Variants in RFK observed in about 807,000 individuals in gnomAD.
RFK encodes the protein riboflavin kinase.
In RFK, 4 loss-of-function variants were observed where a neutral mutation model predicts 17.6. The ratio of observed to expected loss-of-function variants is 0.23; its 90% CI spans 0.11 to 0.52. RFK has a LOEUF of 0.52. RFK is among the 20% of genes least tolerant of loss of function. The pLI, the probability that RFK is intolerant of heterozygous loss-of-function variation, is 0.96. For missense variants in RFK, 189 were observed against 187.7 expected (o/e 1.01, Z -0.04); for synonymous variants, 59 against 63.8 (o/e 0.92, Z 0.36).
intron 1 of RFK, chr9:76,393,700 A>T (rs1345542103): frequency 8.3e-6 from 2 of 240,440 alleles, no homozygotes; most frequent in Non-Finnish European, 1.6e-5. Context: ...ATTACAAATT[A>T]AAAACAAAAC....
At position 76,388,653 on chromosome 9, in the gene RFK, T is replaced by C. The variant is rs968551670; in HGVS notation, c.238A>G (p.Thr80Ala). Residue 80 changes from threonine (T) to alanine (A), a missense_variant, in exon 3 of 4, where the codon ACA becomes GCA. Transcript: ENST00000376736. ...YYKNTKKSME[T>A]HIMHTFKEDF... ...TCTTTGAAGGTATGCATGATATGTG[T>C]TTCCTATAGTCAAGAAATGTTACAA... The C allele has an allele frequency of 6.3e-7, 1 of 1,584,716 alleles. No homozygotes were observed. Among genetic ancestry groups the C allele is most frequent in the Non-Finnish European group, 8.7e-7 (1 of 1,153,826 alleles).
At position 76,394,207 on chromosome 9, in the gene RFK, T is replaced by G; in HGVS notation, c.-36A>C. ...GCTCGGGGAATGGGCTGCGGCCCGG[T>G]CTGCGCGTCCTGCGGAGCCGCCGTC... On this transcript the variant is annotated 5_prime_UTR_variant, in exon 1 of 4. Coordinates refer to ENST00000376736, the MANE Select transcript of RFK (RefSeq NM_018339.6). The G allele has an allele frequency of 6.4e-7, 1 of 1,554,632 alleles. No homozygotes were observed. The highest frequency in any genetic ancestry group is 8.7e-7 in the Non-Finnish European group (1 of 1,151,216).
At chr9:76,388,333 T>C (rs1392708898) in intron 3 of RFK, 3 of 632,838 alleles carry the variant, frequency 4.7e-6, no homozygotes, top group East Asian at 6.2e-5. Flanking sequence ...ACTTTGAGAA[T>C]GTTACTTAAT....
At chr9:76,393,952 G>A (rs2131556046) in intron 1 of RFK, 138 bp downstream of exon 1, 1 of 748,020 alleles carries the variant, frequency 1.3e-6, no homozygotes, top group Non-Finnish European at 2.1e-6. Context: ...CCACAGACAA[G>A]GGGATGCGGG....
Position 76,388,551 on chromosome 9 carries a change from T to C in RFK, c.337+3A>G, listed in dbSNP as rs373802237. ...ATTTAAGAAGATCAAAATAAGAACT[T>C]ACCTAAAGAATCAAAGTTCTTTTCT... On this transcript the variant is annotated splice_donor_region_variant and intron_variant, in intron 3 of 3. Coordinates refer to ENST00000376736, the MANE Select transcript of RFK (RefSeq NM_018339.6). 5.7e-5 allele frequency: 90 copies of C among 1,574,480 alleles called. 1 individual carries two copies. Among genetic ancestry groups the C allele is most frequent in the South Asian group, 4.9e-4 (44 of 89,820 alleles).
At position 76,385,956 on chromosome 9, in the gene RFK, C is replaced by T. The variant is rs1257948893; in HGVS notation, c.*1443G>A. ...ATTTATATGAGTCCCTCTTCTCCAACAGCTTTAGATGTTTTTCTGAGTACT... is the reference window on the plus strand; with the variant it reads ...ATTTATATGAGTCCCTCTTCTCCAATAGCTTTAGATGTTTTTCTGAGTACT... On this transcript the variant is annotated 3_prime_UTR_variant, in exon 4 of 4. Transcript: ENST00000376736. The T allele has an allele frequency of 6.6e-6, 1 of 152,202 alleles. No individual in the cohort carries two copies. Among genetic ancestry groups the T allele is most frequent in the Non-Finnish European group, 1.5e-5 (1 of 68,032 alleles). The allele number at this position is 152,202 out of a possible 1,614,324, so 9.4% of individuals were successfully genotyped here.
intron 1 of RFK, 60 bp from the exon 2 acceptor site, chr9:76,392,629 G>C: frequency 6.6e-7 from 1 of 1,512,896 alleles, no homozygotes; most frequent in Non-Finnish European, 9.1e-7. Flanking sequence ...GCCTGTAGCC[G>C]AGTGCAGTGG....
In RFK at chr9:76,387,520, A is replaced by G. The variant is rs1324145446; in HGVS notation, c.347T>C (p.Ile116Thr). The change falls in exon 4 of 4, where the codon ATT becomes ACT. Residue 116 changes from isoleucine to threonine, a missense_variant. Ile to Thr is a moderately conservative substitution (Grantham distance 89). This residue lies in a region of RFK where 95 missense variants were observed against 95.7 expected (regional missense o/e 0.99). Coordinates refer to ENST00000376736, the MANE Select transcript of RFK (RefSeq NM_018339.6). ...EKNFDSLESL[I>T]SAIQGDIEEA... ...TTCAATATCACCTTGAATTGCTGAA[A>G]TAAGTGACTCTGCAGAGAGAATATA... The G allele has an allele frequency of 1.9e-6, 3 of 1,610,364 alleles. No homozygotes were observed. The highest frequency in any genetic ancestry group is 2.5e-6 in the Non-Finnish European group (3 of 1,179,394).
chr9:76,393,660 C>CT (rs1322580869), intron 1 of RFK: 1 of 176,876 alleles, frequency 5.7e-6, no homozygotes, highest in African/African-American at 2.4e-5. Context: ...TCTCATTCAA[C>CT]TACCTATGTT....
chr9:76,385,881 GT>G lies in RFK; in HGVS notation c.*1517del, dbSNP rs1186864206. 6.6e-6 allele frequency: 1 copy of G among 152,116 alleles called. No individual in the cohort carries two copies. The highest frequency in any genetic ancestry group is 1.5e-5 in the Non-Finnish European group (1 of 68,004). 9.4% of individuals were successfully genotyped at this position (152,116 alleles called of 1,614,324 possible). Reference sequence around the variant, plus strand: ...TATAAGATTTCTAAAATTAAAAACTGTTTTTGACATATTTTTATAAAGAAAT... The same window carrying G: ...TATAAGATTTCTAAAATTAAAAACTGTTTTGACATATTTTTATAAAGAAAT... On this transcript the variant is annotated 3_prime_UTR_variant, in exon 4 of 4. Transcript: ENST00000376736.
chr9:76,392,177 A>T (rs1052786733), intron 2 of RFK, among the ~76,000 whole-genome samples: 39 of 152,368 alleles, frequency 2.6e-4, no homozygotes, highest in Non-Finnish European at 5.0e-4. Flanking sequence ...AATGAGGGAC[A>T]TAAAAGTTAT....
At chr9:76,391,958 A>G (rs1319739296) in intron 2 of RFK, among the ~76,000 whole-genome samples, 1 of 151,866 alleles carries the variant, frequency 6.6e-6, no homozygotes, top group African/African-American at 2.4e-5. Context: ...AAAAGATGCA[A>G]TTTCTGAGTT....
At chr9:76,392,309 G>T in intron 2 of RFK, 109 bp downstream of exon 2, 1 of 1,116,030 alleles carries the variant, frequency 9.0e-7, no homozygotes, top group South Asian at 1.8e-5. Flanking sequence ...TCCAGTATTT[G>T]AACTACGTTG....
At position 76,392,572 on chromosome 9, in the gene RFK, A is replaced by G. The variant is rs767409260; in HGVS notation, c.83-3T>C. On this transcript the variant is annotated splice_polypyrimidine_tract_variant and splice_region_variant and intron_variant, in intron 1 of 3. Coordinates refer to ENST00000376736, the MANE Select transcript of RFK (RefSeq NM_018339.6). ...TACCACTTGCTCAGGAAAATTAGCT[A>G]AACAACAGAAGAAAATATTTTGAGT... 3.7e-6 allele frequency: 6 copies of G among 1,614,016 alleles called. No individual in the cohort carries two copies. The highest frequency in any genetic ancestry group is 2.2e-5 in the East Asian group (1 of 44,890).
At chr9:76,388,018 G>A (rs1822762178) in intron 3 of RFK, 1 of 290,010 alleles carries the variant, frequency 3.4e-6, no homozygotes, top group South Asian at 2.9e-5. Flanking sequence ...ACAAACAAAG[G>A]TATGTCCCTA....
intron 1 of RFK, 104 bp downstream of exon 1, chr9:76,393,986 C>T: frequency 9.3e-7 from 1 of 1,075,558 alleles, no homozygotes; most frequent in Non-Finnish European, 1.3e-6. Flanking sequence ...TGCTCTCTGC[C>T]CGCGGTCCGG....
rs1822735059 is a variant in RFK, at chr9:76,386,617, T to C, written c.*782A>G. 1 of 152,172 alleles carries C rather than the reference T, an allele frequency of 6.6e-6. No individual in the cohort carries two copies. Among genetic ancestry groups the C allele is most frequent in the African/African-American group, 2.4e-5 (1 of 41,442 alleles). The allele number at this position is 152,172 out of a possible 1,614,324, so 9.4% of individuals were successfully genotyped here. On this transcript the variant is annotated 3_prime_UTR_variant, in exon 4 of 4. Coordinates refer to ENST00000376736, the MANE Select transcript of RFK (RefSeq NM_018339.6). ...AGGAGACATATAGATTTGAAAACAC[T>C]TATTTTACTGTCTTCAACAACAACA... is the stretch of plus-strand genomic sequence containing the variant.
rs550588802 is a variant in RFK, at chr9:76,387,151, T to C, written c.*248A>G. On this transcript the variant is annotated 3_prime_UTR_variant, in exon 4 of 4. Transcript: ENST00000376736. ...CATACTTATACACATGTAATACCTT[T>C]CTAGTGGTACATTTTAATCAATATA... 57 of 338,690 alleles carry C rather than the reference T, an allele frequency of 1.7e-4. No homozygotes were observed. The highest frequency in any genetic ancestry group is 1.1e-3 in the African/African-American group (51 of 48,472). 21.0% of individuals were successfully genotyped at this position (338,690 alleles called of 1,614,324 possible). A position where few individuals can be genotyped will look rare whatever the true frequency, so the allele number is the denominator to read the frequency against.
chr9:76,392,794 G>A (rs1050854821), intron 1 of RFK, among the ~76,000 whole-genome samples: 1 of 152,150 alleles, frequency 6.6e-6, no homozygotes, highest in Non-Finnish European at 1.5e-5. Context: ...TAAGCTACCA[G>A]AGAGGCTGAG....
Sources: gnomAD v4.1 joint callset for allele counts (sites outside exome capture counted in the v4.1 genomes callset) on GRCh38, gnomAD v4.1.1 for gene constraint, gnomAD v4.1.1 regional missense constraint, MANE v1.5 for transcripts, NCBI Gene and HGNC (gene_info 2026-07-23, HGNC 2026-07-21) for gene names.